Variants in PRPH2 observed in about 807,000 individuals in gnomAD.
PRPH2 encodes peripherin 2.
A neutral mutation model predicts 31.3 loss-of-function variants in PRPH2; 17 were observed. The ratio of observed to expected loss-of-function variants is 0.54; its 90% CI spans 0.37 to 0.81. The LOEUF is 0.81. Among genes scored for constraint, PRPH2 ranks in the 40% least tolerant of loss-of-function variants. The probability of loss-of-function intolerance (pLI) is 0.00; values close to 1 mark genes in which losing one functional copy is unlikely to be tolerated. For synonymous variants in PRPH2, 165 were observed against 184.4 expected (o/e 0.89, Z 0.85); for missense variants, 430 against 439.7 (o/e 0.98, Z 0.20).
chr6:42,716,260 C>T (rs1562430668), intron 1 of PRPH2, among the ~76,000 whole-genome samples: 1 of 151,080 alleles, frequency 6.6e-6, no homozygotes, highest in African/African-American at 2.4e-5. Flanking sequence ...AGAGGGGAAA[C>T]AAAAAAAAGG....
chr6:42,718,156 A>G (rs1053896509), intron 1 of PRPH2, among the ~76,000 whole-genome samples: 1 of 152,044 alleles, frequency 6.6e-6, no homozygotes, highest in Non-Finnish European at 1.5e-5. Flanking sequence ...CCAAAAATAC[A>G]GAAAATTAGC....
intron 1 of PRPH2, among the ~76,000 whole-genome samples, chr6:42,714,599 C>A (rs1394210424): frequency 6.6e-6 from 1 of 152,202 alleles, no homozygotes; most frequent in African/African-American, 2.4e-5. Context: ...TCACTGCTGC[C>A]TCAATTTCTT....
intron 2 of PRPH2, among the ~76,000 whole-genome samples, chr6:42,702,898 C>T (rs943102865): frequency 7.3e-5 from 11 of 151,196 alleles, no homozygotes; most frequent in African/African-American, 2.2e-4. Context: ...ATCTCTTGGC[C>T]AGATGCAGTG....
chr6:42,707,157 C>T (rs554745563), intron 1 of PRPH2, among the ~76,000 whole-genome samples: 6 of 152,188 alleles, frequency 3.9e-5, no homozygotes, highest in Admixed American at 1.3e-4. Flanking sequence ...GCCTCAGCCT[C>T]CCAAAGTGCT....
chr6:42,721,696 G>A, intron 1 of PRPH2, 58 bp downstream of exon 1: 1 of 1,595,234 alleles, frequency 6.3e-7, no homozygotes, highest in Non-Finnish European at 8.6e-7. Context: ...TCAGAGGCCT[G>A]AGCCTCAGTG....
chr6:42,706,817 C>T (rs1399550648), intron 1 of PRPH2, among the ~76,000 whole-genome samples: 5 of 152,140 alleles, frequency 3.3e-5, no homozygotes, highest in Admixed American at 1.3e-4. Flanking sequence ...GCCTCCAGGT[C>T]CTGACCGCTA....
At chr6:42,705,824 T>C (rs1489572749) in intron 1 of PRPH2, among the ~76,000 whole-genome samples, 1 of 149,156 alleles carries the variant, frequency 6.7e-6, no homozygotes, top group East Asian at 2.0e-4. Context: ...CTGGGCGTGG[T>C]GGCACGCGCC....
chr6:42,708,436 G>A (rs1800212706), intron 1 of PRPH2, among the ~76,000 whole-genome samples: 2 of 152,212 alleles, frequency 1.3e-5, no homozygotes, highest in South Asian at 4.1e-4. Flanking sequence ...ACGGAAGTGG[G>A]GCAGGGGTGG....
In PRPH2 at chr6:42,698,270, C is replaced by A. The variant is rs189476016; in HGVS notation, c.*25G>T. The A allele has an allele frequency of 3.7e-6, 6 of 1,612,620 alleles. No homozygotes were observed. The highest frequency in any genetic ancestry group is 4.2e-6 in the Non-Finnish European group (5 of 1,179,674). ...TTGGAGTGCACTATTTCTCAGTGTT[C>A]GGGAGGGGAGGGGCCCCAGGGCCCT... On this transcript the variant is annotated 3_prime_UTR_variant, in exon 3 of 3. Coordinates refer to ENST00000230381, the MANE Select transcript of PRPH2 (RefSeq NM_000322.5).
rs187919973 is a variant in PRPH2, at chr6:42,697,174, T to G, written c.*1121A>C. The G allele has an allele frequency of 9.2e-5, 14 of 152,216 alleles. No homozygotes were observed. The East Asian group carries it at 2.7e-3, about 29-fold the overall frequency. 9.4% of individuals were successfully genotyped at this position (152,216 alleles called of 1,614,324 possible). A position where few individuals can be genotyped will look rare whatever the true frequency, so the allele number is the denominator to read the frequency against. On this transcript the variant is annotated 3_prime_UTR_variant, in exon 3 of 3. Coordinates refer to ENST00000230381, the MANE Select transcript of PRPH2 (RefSeq NM_000322.5). ...TCATTCTCTCCTTCCCCTGAAAGCTTCTCTTTCCTAAAGAAAGTGAAAACT... is the reference window on the plus strand; with the variant it reads ...TCATTCTCTCCTTCCCCTGAAAGCTGCTCTTTCCTAAAGAAAGTGAAAACT...
At chr6:42,706,975 C>CTTTTT (rs34162811) in intron 1 of PRPH2, among the ~76,000 whole-genome samples, 2 of 123,642 alleles carry the variant, frequency 1.6e-5, no homozygotes, top group African/African-American at 3.1e-5. Flanking sequence ...TCTTGGAGAT[C>CTTTTT]TTTTTTTTTT....
chr6:42,713,687 G>A (rs1761719923), intron 1 of PRPH2, among the ~76,000 whole-genome samples: 1 of 151,780 alleles, frequency 6.6e-6, no homozygotes, highest in South Asian at 2.1e-4. Context: ...CTGGGAGGCC[G>A]AGGCAGGAAG....
intron 1 of PRPH2, among the ~76,000 whole-genome samples, chr6:42,705,582 AAAAAAAAAAAAAAAAAAATATATAT>A (rs1333746664): frequency 0.055 from 1,099 of 20,158 alleles, 55 homozygotes; most frequent in African/African-American, 0.092. Context: ...TCTAAAAAAA[AAAAAAAAAAAAAAAAAAATATATAT>A]ATATATATAT....
chr6:42,705,599 AATATATATATATATATAT>A (rs1194169404), intron 1 of PRPH2, among the ~76,000 whole-genome samples: 9 of 21,588 alleles, frequency 4.2e-4, no homozygotes, highest in Admixed American at 6.4e-4. Flanking sequence ...AAAAAAAAAA[AATATATATATATATATAT>A]ATATATATAT....
chr6:42,699,073 A>T (rs1388331743), intron 2 of PRPH2, among the ~76,000 whole-genome samples: 22 of 127,000 alleles, frequency 1.7e-4, no homozygotes, highest in African/African-American at 5.4e-4. Context: ...TTTTTTTTTG[A>T]GACAAGTCTT....
At chr6:42,699,582 T>C (rs1800012830) in intron 2 of PRPH2, among the ~76,000 whole-genome samples, 1 of 152,108 alleles carries the variant, frequency 6.6e-6, no homozygotes, top group Non-Finnish European at 1.5e-5. Flanking sequence ...TGTGCCACTT[T>C]AATATGTGTA....
intron 1 of PRPH2, chr6:42,711,969 A>T (rs1346041567): frequency 2.0e-6 from 2 of 985,316 alleles, no homozygotes; most frequent in Non-Finnish European, 1.2e-6. Flanking sequence ...AACTGACTGA[A>T]GACCTCATGT....
chr6:42,716,150 C>T (rs1482832662), intron 1 of PRPH2, among the ~76,000 whole-genome samples: 8 of 152,160 alleles, frequency 5.3e-5, no homozygotes, highest in African/African-American at 1.9e-4. Context: ...ATGCTCAGAC[C>T]AGCTCATTCT....
intron 1 of PRPH2, among the ~76,000 whole-genome samples, chr6:42,719,348 G>A (rs1219048711): frequency 6.6e-6 from 1 of 151,642 alleles, no homozygotes; most frequent in Admixed American, 6.6e-5. Flanking sequence ...CTAATTTTCT[G>A]TATTTTTAGT....
Sources: allele counts gnomAD v4.1 joint callset (sites outside exome capture counted in the v4.1 genomes callset), GRCh38; gene constraint gnomAD v4.1.1; transcripts MANE v1.5; gene names NCBI Gene and HGNC (gene_info 2026-07-23, HGNC 2026-07-21).